CEBPG: variants seen among roughly 807,000 people sequenced by gnomAD.
CEBPG encodes the protein CCAAT/enhancer-binding protein gamma.
Under a neutral mutation model 11.1 loss-of-function variants are expected in CEBPG, and 6 were observed. That is an observed-to-expected ratio of 0.54 (90% confidence interval 0.30 to 1.07). The LOEUF is 1.07. CEBPG is among the 50% of genes least tolerant of loss of function. The pLI is 0.07. For synonymous variants in CEBPG, 66 were observed against 71.0 expected (o/e 0.93, Z 0.36); for missense variants, 161 against 187.4 (o/e 0.86, Z 0.82).
At chr19:33,378,259 G>T (rs976774943) in intron 1 of CEBPG, among the ~76,000 whole-genome samples, 5 of 152,190 alleles carry the variant, frequency 3.3e-5, no homozygotes, top group Admixed American at 6.5e-5. Flanking sequence ...TTCAGAGCTG[G>T]TGCGTCCTCC....
Position 33,379,629 on chromosome 19 carries a change from A to G in CEBPG, c.390A>G (p.Ala130=), listed in dbSNP as rs971769041. 6 of 1,614,076 alleles carry G rather than the reference A, an allele frequency of 3.7e-6. No homozygotes were observed. In the African/African-American group the frequency reaches 5.3e-5, roughly 14 times the overall value. ...DLFLEHAHNL[A]DNVQSISTEN... is the part of the protein sequence containing the mutation. ...TTCTTGAGCATGCACACAACCTTGC[A>G]GACAACGTACAGTCCATTAGCACTG... Residue 130 remains alanine (A), a synonymous_variant, in exon 2 of 2, where the codon GCA becomes GCG. Coordinates refer to ENST00000284000, the MANE Select transcript of CEBPG (RefSeq NM_001806.4).
Position 33,381,369 on chromosome 19 carries a change from C to G in CEBPG, c.*1677C>G, listed in dbSNP as rs1967985990. On this transcript the variant is annotated 3_prime_UTR_variant, in exon 2 of 2. Coordinates refer to ENST00000284000, the MANE Select transcript of CEBPG (RefSeq NM_001806.4). ...TGTCCAGCAACTCAGCAAAGCCATT[C>G]TTAAGAGTCGTGAGGTCCTTCTGAA... The G allele has an allele frequency of 6.0e-6, 1 of 167,058 alleles. No homozygotes were observed. Among genetic ancestry groups the G allele is most frequent in the South Asian group, 2.1e-4 (1 of 4,826 alleles). The allele number at this position is 167,058 out of a possible 1,614,324, so 10.3% of individuals were successfully genotyped here. A position where few individuals can be genotyped will look rare whatever the true frequency, so the allele number is the denominator to read the frequency against.
intron 1 of CEBPG, among the ~76,000 whole-genome samples, chr19:33,376,002 A>G (rs1303501590): frequency 1.3e-5 from 2 of 152,124 alleles, no homozygotes; most frequent in Non-Finnish European, 2.9e-5. Context: ...CTGAGAGATG[A>G]TAGTGGCCTA....
At position 33,379,939 on chromosome 19, in the gene CEBPG, T is replaced by TA. The variant is rs1305081059; in HGVS notation, c.*254dup. 8.0e-6 allele frequency: 3 copies of TA among 372,830 alleles called. No individual in the cohort carries two copies. The highest frequency in any genetic ancestry group is 8.7e-5 in the East Asian group (2 of 23,056). The allele number at this position is 372,830 out of a possible 1,614,324, so 23.1% of individuals were successfully genotyped here. On this transcript the variant is annotated 3_prime_UTR_variant, in exon 2 of 2. Coordinates refer to ENST00000284000, the MANE Select transcript of CEBPG (RefSeq NM_001806.4). ...ATCCCCCAAATGTTAAGGTATATGGTAAAAAAAGAAATATCTGGGATCCCG... is the reference window on the plus strand; with the variant it reads ...ATCCCCCAAATGTTAAGGTATATGGTAAAAAAAAGAAATATCTGGGATCCCG...
rs1967951602 is a variant in CEBPG, at chr19:33,379,220, TG to T, written c.-18del. ...GCTCTCATTTCTACCTGTTCTGTGT[TG>T]GCAAGGGAGAGTGCCCAAATGAGCA... On this transcript the variant is annotated 5_prime_UTR_variant, in exon 2 of 2. Transcript: ENST00000284000. The T allele has an allele frequency of 6.6e-7, 1 of 1,517,428 alleles. No individual in the cohort carries two copies. The highest frequency in any genetic ancestry group is 1.4e-5 in the African/African-American group (1 of 71,754). The allele number at this position is 1,517,428 out of a possible 1,614,324, so 94.0% of individuals were successfully genotyped here. A position where few individuals can be genotyped will look rare whatever the true frequency, so the allele number is the denominator to read the frequency against.
chr19:33,378,652 C>A (rs1967943039), intron 1 of CEBPG, among the ~76,000 whole-genome samples: 1 of 152,138 alleles, frequency 6.6e-6, no homozygotes, highest in Non-Finnish European at 1.5e-5. Context: ...TCGATGACTC[C>A]CTCTCTGCAT....
intron 1 of CEBPG, among the ~76,000 whole-genome samples, chr19:33,375,387 C>G (rs1471851120): frequency 6.6e-6 from 1 of 152,072 alleles, no homozygotes; most frequent in Non-Finnish European, 1.5e-5. Flanking sequence ...ATGGTAAATA[C>G]AGGTAGCCAC....
rs781379892 is a variant in CEBPG, at chr19:33,379,464, T to C, written c.225T>C (p.Ala75=). 4.3e-6 allele frequency: 7 copies of C among 1,612,296 alleles called. No individual in the cohort carries two copies. The Admixed American group carries it at 8.3e-5, about 19-fold the overall frequency. ...YRQRRERNNM[A]VKKSRLKSKQ... ...AACGCCGAGAGAGGAACAACATGGC[T>C]GTGAAAAAGAGCCGGTTGAAAAGCA... Residue 75 remains alanine (A), a synonymous_variant, in exon 2 of 2, where the codon GCT becomes GCC. Transcript: ENST00000284000.
Position 33,379,657 on chromosome 19 carries a change from A to G in CEBPG, c.418A>G (p.Asn140Asp). 6.2e-7 allele frequency: 1 copy of G among 1,613,080 alleles called. No homozygotes were observed. Among genetic ancestry groups the G allele is most frequent in the African/African-American group, 1.3e-5 (1 of 75,030 alleles). ...CAACGTACAGTCCATTAGCACTGAA[A>G]ATACGACAGCAGATGGCGACAATGC... The part of the protein sequence containing the change: ...ADNVQSISTE[N>D]TTADGDNAGQ Residue 140 changes from asparagine (N) to aspartate (D), a missense_variant, in exon 2 of 2, where the codon AAT becomes GAT. Coordinates refer to ENST00000284000, the MANE Select transcript of CEBPG (RefSeq NM_001806.4).
intron 1 of CEBPG, among the ~76,000 whole-genome samples, chr19:33,376,066 T>TG (rs151086462): frequency 0.14 from 21,422 of 151,906 alleles, 2,738 homozygotes; most frequent in African/African-American, 0.34. Flanking sequence ...GAAGTTTTTT[T>TG]TTTGTTTGTT....
chr19:33,375,710 G>T (rs1967903664), intron 1 of CEBPG, among the ~76,000 whole-genome samples: 2 of 152,198 alleles, frequency 1.3e-5, no homozygotes, highest in Admixed American at 6.5e-5. Context: ...GTGAAGATCT[G>T]CAGGGAGACA....
At chr19:33,377,956 A>C (rs1277021975) in intron 1 of CEBPG, among the ~76,000 whole-genome samples, 1 of 152,202 alleles carries the variant, frequency 6.6e-6, no homozygotes, top group East Asian at 1.9e-4. Flanking sequence ...TCACTGCATA[A>C]ATCTGACTCC....
At chr19:33,378,081 C>A (rs1223217032) in intron 1 of CEBPG, among the ~76,000 whole-genome samples, 1 of 152,222 alleles carries the variant, frequency 6.6e-6, no homozygotes, top group East Asian at 1.9e-4. Flanking sequence ...TTGGTGGACA[C>A]CGTTCACTGA....
At position 33,379,766 on chromosome 19, in the gene CEBPG, A is replaced by G. The variant is rs1042095716; in HGVS notation, c.*74A>G. 4.3e-5 allele frequency: 59 copies of G among 1,373,772 alleles called. No individual in the cohort carries two copies. Among genetic ancestry groups the G allele is most frequent in the Non-Finnish European group, 5.4e-5 (55 of 1,010,616 alleles). 85.1% of individuals were successfully genotyped at this position (1,373,772 alleles called of 1,614,324 possible). On this transcript the variant is annotated 3_prime_UTR_variant, in exon 2 of 2. Transcript: ENST00000284000. ...GTGACCACCGACACCACTCATGTCAATGGCTGAAAGTTGTCCATTTCCATG... is the reference window on the plus strand; with the variant it reads ...GTGACCACCGACACCACTCATGTCAGTGGCTGAAAGTTGTCCATTTCCATG...
Position 33,379,887 on chromosome 19 carries a change from A to G in CEBPG, c.*195A>G. 2 of 509,328 alleles carry G rather than the reference A, an allele frequency of 3.9e-6. No individual in the cohort carries two copies. Among genetic ancestry groups the G allele is most frequent in the Non-Finnish European group, 7.0e-6 (2 of 286,550 alleles). 31.6% of individuals were successfully genotyped at this position (509,328 alleles called of 1,614,324 possible). On this transcript the variant is annotated 3_prime_UTR_variant, in exon 2 of 2. Transcript: ENST00000284000. ...TTGTAATTCGAATATCTGGTTTTAA[A>G]TGATAGAGGTTTTTGTGGGAATCAA... is the stretch of plus-strand genomic sequence containing the variant.
chr19:33,380,332 AAAATAC>A lies in CEBPG; in HGVS notation c.*646_*651del, dbSNP rs1429694302. ...GGTAGTGTGTGGCCAATTGACTTAA[AAAATAC>A]AAATAACATTTAGGAAGCAAATAGA... is the stretch of plus-strand genomic sequence containing the variant. On this transcript the variant is annotated 3_prime_UTR_variant, in exon 2 of 2. Coordinates refer to ENST00000284000, the MANE Select transcript of CEBPG (RefSeq NM_001806.4). 1 of 166,810 alleles carries A rather than the reference AAAATAC, an allele frequency of 6.0e-6. No homozygotes were observed. Among genetic ancestry groups the A allele is most frequent in the African/African-American group, 2.4e-5 (1 of 41,452 alleles). 10.3% of individuals were successfully genotyped at this position (166,810 alleles called of 1,614,324 possible).
rs1414199008 is a variant in CEBPG at position 33,379,519 on chromosome 19, G to A, written c.280G>A (p.Val94Ile). Residue 94 changes from valine (V) to isoleucine (I), a missense_variant, in exon 2 of 2, where the codon GTC becomes ATC. Coordinates refer to ENST00000284000, the MANE Select transcript of CEBPG (RefSeq NM_001806.4). Reference protein sequence around the residue: ...KQKAQDTLQRVNQLKEENERL... With the variant: ...KQKAQDTLQRINQLKEENERL... ...GAAAGCACAAGACACACTGCAGAGA[G>A]TCAATCAGCTCAAAGAAGAGAATGA... The A allele has an allele frequency of 1.2e-6, 2 of 1,614,038 alleles. No individual in the cohort carries two copies. The highest frequency in any genetic ancestry group is 2.2e-5 in the South Asian group (2 of 91,064).
chr19:33,376,336 T>G (rs1256804543), intron 1 of CEBPG, among the ~76,000 whole-genome samples: 1 of 152,218 alleles, frequency 6.6e-6, no homozygotes, highest in Non-Finnish European at 1.5e-5. Context: ...TTCTGCGCTT[T>G]CAGTGTGACT....
intron 1 of CEBPG, among the ~76,000 whole-genome samples, chr19:33,374,997 A>C (rs1195804340): frequency 2.0e-5 from 3 of 152,188 alleles, no homozygotes; most frequent in Non-Finnish European, 4.4e-5. Context: ...CTTGAGTAGT[A>C]TTTGGGATAA....
Sources: gnomAD v4.1 joint callset for allele counts (sites outside exome capture counted in the v4.1 genomes callset) on GRCh38, gnomAD v4.1.1 for gene constraint, MANE v1.5 for transcripts, NCBI Gene and HGNC (gene_info 2026-07-23, HGNC 2026-07-21) for gene names.